Variants in IL11 observed in about 807,000 individuals in gnomAD.
IL11 encodes interleukin 11.
IL11 carries 17 observed loss-of-function variants against 18.1 expected under a neutral mutation model. The observed-to-expected ratio is 0.94, with a 90% CI of 0.64 to 1.41. The LOEUF (loss-of-function observed/expected upper bound fraction) is 1.41, where lower values mean the gene tolerates loss of function less well. Among genes scored for constraint, IL11 ranks in the 40% most tolerant of loss-of-function variants. The pLI, the probability that IL11 is intolerant of heterozygous loss-of-function variation, is 0.00. For synonymous variants in IL11, 144 were observed against 134.1 expected, an observed-to-expected ratio of 1.07 and a Z score of -0.51; for missense variants, 309 against 262.8, an observed-to-expected ratio of 1.18 and a Z score of -1.22.
rs8104023 is a variant in IL11 at position 55,369,983 on chromosome 19, T to C, written c.7+321A>G. Among the ~76,000 whole-genome samples the C allele has an allele frequency of 0.61, 92,407 of 151,642 alleles. 29,786 individuals carry two copies. The highest frequency in any genetic ancestry group is 0.8 in the African/African-American group (32,996 of 41,416). On this transcript the variant is annotated intron_variant, in intron 1 of 4. Transcript: ENST00000264563. This position sits in a 1 kb window ranked among gnomAD's most constrained non-coding sequence, Gnocchi z 6.1. Reference sequence around the variant, plus strand: ...CCCCGCGGGCTCCCTGGGGCCTGGGTCGATGGGGGTCACCTCCCTCCCGGC... The same window carrying C: ...CCCCGCGGGCTCCCTGGGGCCTGGGCCGATGGGGGTCACCTCCCTCCCGGC...
chr19:55,368,852 G>A lies in IL11; in HGVS notation c.97C>T (p.Pro33Ser), dbSNP rs757518582. 22 of 1,585,104 alleles carry A rather than the reference G, an allele frequency of 1.4e-5. No individual in the cohort carries two copies. In the East Asian group the frequency reaches 3.6e-4, roughly 26 times the overall value. ...CTGTCCAGCTCGGCCCGAGGGTCTG[G>A]GGAAACTCGAGGGGGGCCAGGTGGT... ...GPPPGPPRVSPDPRAELDSTV... is the reference protein window; with the variant it reads ...GPPPGPPRVSSDPRAELDSTV... Residue 33 changes from proline to serine, a missense_variant, in exon 2 of 5, where the codon CCA becomes TCA. Coordinates refer to ENST00000264563, the MANE Select transcript of IL11 (RefSeq NM_000641.4).
chr19:55,368,153 G>A, intron 4 of IL11, 57 bp downstream of exon 4: 1 of 1,434,174 alleles, frequency 7.0e-7, no homozygotes, highest in Non-Finnish European at 9.3e-7. Flanking sequence ...TCAGGCCACA[G>A]GATTTTGGGG....
At position 55,366,668 on chromosome 19, in the gene IL11, C is replaced by T. The variant is rs1056269137; in HGVS notation, c.430-491G>A. On this transcript the variant is annotated intron_variant, in intron 4 of 4. Transcript: ENST00000264563. This position sits in a 1 kb window ranked among gnomAD's most constrained non-coding sequence, Gnocchi z 4.6. Reference sequence around the variant, plus strand: ...TCTACTAAAATACAAAAAAATTATCCGGGTGTGGCAGTGTGCACCTGAAGT... The same window carrying T: ...TCTACTAAAATACAAAAAAATTATCTGGGTGTGGCAGTGTGCACCTGAAGT... 6.6e-6 allele frequency among the ~76,000 whole-genome samples: 1 copy of T among 151,912 alleles called. No homozygotes were observed. Among genetic ancestry groups the T allele is most frequent in the South Asian group, 2.1e-4 (1 of 4,806 alleles).
Position 55,365,012 on chromosome 19 carries a change from G to A in IL11, c.*995C>T, listed in dbSNP as rs2089776513. ...TCCCATACGGGTACTGTTGATCACA[G>A]GGTGACTTGTGGAACCTTCCATTAA... On this transcript the variant is annotated 3_prime_UTR_variant, in exon 5 of 5. Transcript: ENST00000264563. 1 of 152,124 alleles carries A rather than the reference G, an allele frequency of 6.6e-6. No homozygotes were observed. The highest frequency in any genetic ancestry group is 2.4e-5 in the African/African-American group (1 of 41,398). The allele number at this position is 152,124 out of a possible 1,614,324, so 9.4% of individuals were successfully genotyped here.
Position 55,370,305 on chromosome 19 carries a change from G to C in IL11, c.6C>G (p.Asn2Lys), listed in dbSNP as rs1252994617. The change falls in exon 1 of 5, where the codon AAC becomes AAG. Residue 2 changes from asparagine to lysine, a missense_variant and splice_region_variant. By Grantham distance (94) the Asn-to-Lys change is moderately conservative. Coordinates refer to ENST00000264563, the MANE Select transcript of IL11 (RefSeq NM_000641.4). Reference protein sequence around the residue: MNCVCRLVLVVL... With the variant: MKCVCRLVLVVL... ...CACCCTCCCCATGAACCAACTTACA[G>C]TTCATGTCCCCACAGGGCCAGGGGT... The C allele has an allele frequency of 1.4e-6, 2 of 1,478,294 alleles. No homozygotes were observed. The highest frequency in any genetic ancestry group is 4.4e-5 in the Admixed American group (2 of 44,988). The allele number at this position is 1,478,294 out of a possible 1,614,324, so 91.6% of individuals were successfully genotyped here. A position where few individuals can be genotyped will look rare whatever the true frequency, so the allele number is the denominator to read the frequency against.
rs1230015313 is a variant in IL11, at chr19:55,365,866, C to T, written c.*141G>A. 1.5e-6 allele frequency: 2 copies of T among 1,348,808 alleles called. No homozygotes were observed. The highest frequency in any genetic ancestry group is 2.3e-5 in the Admixed American group (1 of 43,318). 83.6% of individuals were successfully genotyped at this position (1,348,808 alleles called of 1,614,324 possible). On this transcript the variant is annotated 3_prime_UTR_variant, in exon 5 of 5. Coordinates refer to ENST00000264563, the MANE Select transcript of IL11 (RefSeq NM_000641.4). ...AAGTATAAATAAGGCACAGATGCCC[C>T]CCAGGCCTCACGGAAGGACTGTCTC... is the stretch of plus-strand genomic sequence containing the variant.
chr19:55,369,402 C>G lies in IL11; in HGVS notation c.8-461G>C, dbSNP rs111762301. 0.016 allele frequency among the ~76,000 whole-genome samples: 2,438 copies of G among 152,008 alleles called. 72 individuals carry two copies. Among genetic ancestry groups the G allele is most frequent in the African/African-American group, 0.055 (2,292 of 41,488 alleles). ...GGCACAGGCCAGAACCTGCCCCCTCCCCGGGCCGCGGGAGCCCGAGCTGGC... is the reference window on the plus strand; with the variant it reads ...GGCACAGGCCAGAACCTGCCCCCTCGCCGGGCCGCGGGAGCCCGAGCTGGC... On this transcript the variant is annotated intron_variant, in intron 1 of 4. Transcript: ENST00000264563. The surrounding 1 kb of genome is among the most constrained non-coding windows in gnomAD (Gnocchi z 6.1).
chr19:55,368,077 G>A, intron 4 of IL11, 133 bp downstream of exon 4: 2 of 739,572 alleles, frequency 2.7e-6, no homozygotes, highest in South Asian at 1.8e-5. Flanking sequence ...AGAGCGGGCT[G>A]TTAGGGTGTC....
rs561820040 is a variant in IL11, at chr19:55,369,288, C to T, written c.8-347G>A. The T allele has an allele frequency of 2.8e-4, 50 of 180,816 alleles. 1 individual carries two copies. The South Asian group carries it at 9.2e-3, about 33-fold the overall frequency. 11.2% of individuals were successfully genotyped at this position (180,816 alleles called of 1,614,324 possible). A position where few individuals can be genotyped will look rare whatever the true frequency, so the allele number is the denominator to read the frequency against. The stretch of plus-strand genomic sequence containing the variant: ...TGGCTGCCCCGCCCGTCGGAGCAGA[C>T]GCGGCCCGGGGCGGGTAGACGGGCC... On this transcript the variant is annotated intron_variant, in intron 1 of 4. Transcript: ENST00000264563. This position sits in a 1 kb window ranked among gnomAD's most constrained non-coding sequence, Gnocchi z 6.1.
In IL11 at chr19:55,365,922, A is replaced by C; in HGVS notation, c.*85T>G. On this transcript the variant is annotated 3_prime_UTR_variant, in exon 5 of 5. Coordinates refer to ENST00000264563, the MANE Select transcript of IL11 (RefSeq NM_000641.4). ...AGGGGGAGATAATGGCGGGGGGATC[A>C]CCTGGCTGTTTCGCCCCCAGTACTG... The C allele has an allele frequency of 6.5e-7, 1 of 1,538,678 alleles. No homozygotes were observed. The highest frequency in any genetic ancestry group is 8.8e-7 in the Non-Finnish European group (1 of 1,141,780).
In IL11 at chr19:55,366,142, G is replaced by C. The variant is rs1306962489; in HGVS notation, c.465C>G (p.Asp155Glu). 6.6e-7 allele frequency: 1 copy of C among 1,510,442 alleles called. No homozygotes were observed. Among genetic ancestry groups the C allele is most frequent in the Admixed American group, 2.2e-5 (1 of 44,714 alleles). 93.6% of individuals were successfully genotyped at this position (1,510,442 alleles called of 1,614,324 possible). Residue 155 changes from aspartate (D) to glutamate (E), a missense_variant, in exon 5 of 5, where the codon GAC (aspartate) becomes GAG (glutamate). Physicochemically the swap from Asp to Glu is conservative, Grantham distance 45 (BLOSUM62 2). Transcript: ENST00000264563. This position sits in a 1 kb window ranked among gnomAD's most constrained non-coding sequence, Gnocchi z 4.6. ...SRLALPQPPPDPPAPPLAPPS... is the reference protein window; with the variant it reads ...SRLALPQPPPEPPAPPLAPPS... ...GGGGCGCCAGCGGGGGCGCCGGCGGGTCCGGGGGTGGCTGGGGCAGGGCCA... is the reference window on the plus strand; with the variant it reads ...GGGGCGCCAGCGGGGGCGCCGGCGGCTCCGGGGGTGGCTGGGGCAGGGCCA...
Position 55,365,954 on chromosome 19 carries a change from A to T in IL11, c.*53T>A. On this transcript the variant is annotated 3_prime_UTR_variant, in exon 5 of 5. Coordinates refer to ENST00000264563, the MANE Select transcript of IL11 (RefSeq NM_000641.4). ...TGTTTCGCCCCCAGTACTGAAATAA[A>T]TAAATAAATAAGATCTGGCTTTGGA... 1 of 1,550,552 alleles carries T rather than the reference A, an allele frequency of 6.4e-7. No individual in the cohort carries two copies. Among genetic ancestry groups the T allele is most frequent in the Non-Finnish European group, 8.7e-7 (1 of 1,147,816 alleles).
Position 55,368,515 on chromosome 19 carries a change from C to T in IL11, c.235G>A (p.Ala79Thr), listed in dbSNP as rs1292898692. 1 of 1,612,996 alleles carries T rather than the reference C, an allele frequency of 6.2e-7. No homozygotes were observed. The highest frequency in any genetic ancestry group is 1.7e-4 in the Middle Eastern group (1 of 6,050). ...DHNLDSLPTL[A>T]MSAGALGALQ... ...GCTCCCAGTGCCCCCGCACTCATGG[C>T]CAGGGTGGGCAGGGAATCCAGGTTG... The change falls in exon 3 of 5, where the codon GCC becomes ACC. Residue 79 changes from alanine (A) to threonine (T), a missense_variant. Transcript: ENST00000264563.
rs2089808692 is a variant in IL11 at position 55,369,580 on chromosome 19, A to G, written c.8-639T>C. Among the ~76,000 whole-genome samples the G allele has an allele frequency of 6.9e-6, 1 of 144,532 alleles. No individual in the cohort carries two copies. Among genetic ancestry groups the G allele is most frequent in the African/African-American group, 2.5e-5 (1 of 39,994 alleles). The allele number at this position is 144,532 out of a possible 152,430, so 94.8% of individuals were successfully genotyped here. ...CACCTGGGCGGAGAGGGGCAGAGCC[A>G]TGGGCCCGGCCGGGCCGCGGGAGCG... On this transcript the variant is annotated intron_variant, in intron 1 of 4. Transcript: ENST00000264563. This position sits in a 1 kb window ranked among gnomAD's most constrained non-coding sequence, Gnocchi z 6.1.
At position 55,366,885 on chromosome 19, in the gene IL11, T is replaced by C. The variant is rs947954958; in HGVS notation, c.430-708A>G. Among the ~76,000 whole-genome samples the C allele has an allele frequency of 2.0e-5, 3 of 152,164 alleles. No homozygotes were observed. The highest frequency in any genetic ancestry group is 7.2e-5 in the African/African-American group (3 of 41,452). Reference sequence around the variant, plus strand: ...TGCTGCCCAGGCTGTCTCAAACTCATGGCCTCAAGAGGTCCTTCTGCCTTG... The same window carrying C: ...TGCTGCCCAGGCTGTCTCAAACTCACGGCCTCAAGAGGTCCTTCTGCCTTG... On this transcript the variant is annotated intron_variant, in intron 4 of 4. Coordinates refer to ENST00000264563, the MANE Select transcript of IL11 (RefSeq NM_000641.4). This position sits in a 1 kb window ranked among gnomAD's most constrained non-coding sequence, Gnocchi z 4.6.
At chr19:55,367,420 G>A (rs2089791979) in intron 4 of IL11, among the ~76,000 whole-genome samples, 2 of 150,800 alleles carry the variant, frequency 1.3e-5, no homozygotes, top group African/African-American at 2.4e-5. Flanking sequence ...GGGGTCTCAG[G>A]GTCTGGAGGT....
At position 55,369,885 on chromosome 19, in the gene IL11, C is replaced by T. The variant is rs2089811922; in HGVS notation, c.7+419G>A. Reference sequence around the variant, plus strand: ...GCTGGGGTCGCTACTCCCTGGCTTGCTCCGCTCTCCGCGGACCCTGCCTCA... The same window carrying T: ...GCTGGGGTCGCTACTCCCTGGCTTGTTCCGCTCTCCGCGGACCCTGCCTCA... On this transcript the variant is annotated intron_variant, in intron 1 of 4. Transcript: ENST00000264563. This position sits in a 1 kb window ranked among gnomAD's most constrained non-coding sequence, Gnocchi z 6.1. 6.6e-6 allele frequency among the ~76,000 whole-genome samples: 1 copy of T among 151,896 alleles called. No homozygotes were observed. Among genetic ancestry groups the T allele is most frequent in the Non-Finnish European group, 1.5e-5 (1 of 67,916 alleles).
Position 55,365,889 on chromosome 19 carries a change from C to T in IL11, c.*118G>A, listed in dbSNP as rs2089781986. The T allele has an allele frequency of 1.3e-6, 2 of 1,487,228 alleles. No homozygotes were observed. Among genetic ancestry groups the T allele is most frequent in the African/African-American group, 1.4e-5 (1 of 70,822 alleles). 92.1% of individuals were successfully genotyped at this position (1,487,228 alleles called of 1,614,324 possible). On this transcript the variant is annotated 3_prime_UTR_variant, in exon 5 of 5. Transcript: ENST00000264563. ...CCCCCAGGCCTCACGGAAGGACTGT[C>T]TCTAACTAGGGGGAGATAATGGCGG...
Position 55,366,818 on chromosome 19 carries a change from A to AAATAAT in IL11, c.430-647_430-642dup, listed in dbSNP as rs532964468. ...CAGAGCGCGAGACTCTGTCTCCAAA[A>AAATAAT]AATAATAATAATAATAATAATTAAG... On this transcript the variant is annotated intron_variant, in intron 4 of 4. Coordinates refer to ENST00000264563, the MANE Select transcript of IL11 (RefSeq NM_000641.4). This position sits in a 1 kb window ranked among gnomAD's most constrained non-coding sequence, Gnocchi z 4.6. Among the ~76,000 whole-genome samples, 1 of 151,838 alleles carries AAATAAT rather than the reference A, an allele frequency of 6.6e-6. No homozygotes were observed. The highest frequency in any genetic ancestry group is 6.6e-5 in the Admixed American group (1 of 15,220).
Sources: allele counts gnomAD v4.1 joint callset (sites outside exome capture counted in the v4.1 genomes callset), GRCh38; gene constraint gnomAD v4.1.1; non-coding constraint Gnocchi (gnomAD v3.1); transcripts MANE v1.5; gene names NCBI Gene and HGNC (gene_info 2026-07-23, HGNC 2026-07-21).